Variants in CHODL observed in about 807,000 individuals in gnomAD.
The protein encoded by CHODL is transmembrane protein MT75.
Under a neutral mutation model 34.5 loss-of-function variants are expected in CHODL, and 29 were observed. The ratio of observed to expected loss-of-function variants is 0.84; its 90% CI spans 0.63 to 1.15. The LOEUF (loss-of-function observed/expected upper bound fraction) is 1.15. CHODL is among the 50% of genes most tolerant of loss of function. The probability of loss-of-function intolerance (pLI) is 0.00; values close to 1 mark genes in which losing one functional copy is unlikely to be tolerated. For missense variants in CHODL, 332 were observed against 332.5 expected (o/e 1.00, Z 0.01); for synonymous variants, 125 against 116.1 (o/e 1.08, Z -0.49).
chr21:18,010,575 C>T (rs158070), intron 1 of CHODL, among the ~76,000 whole-genome samples: 4,260 of 152,232 alleles, frequency 0.028, 188 homozygotes, highest in African/African-American at 0.095. Flanking sequence ...TTTATTTAAT[C>T]AGGGACCCAC....
chr21:18,013,386 A>G (rs158067), intron 1 of CHODL, among the ~76,000 whole-genome samples: 5,444 of 148,474 alleles, frequency 0.037, 270 homozygotes, highest in African/African-American at 0.11. Context: ...GAATTTCCCA[A>G]TTGTACAGTG....
At chr21:18,218,581 T>C (rs1032878573) in intron 2 of CHODL, among the ~76,000 whole-genome samples, 8 of 152,190 alleles carry the variant, frequency 5.3e-5, no homozygotes, top group East Asian at 3.9e-4. Flanking sequence ...GTGATTAACA[T>C]TGGGCTCCTC....
intron 1 of CHODL, among the ~76,000 whole-genome samples, chr21:17,948,369 A>G (rs2063429501): frequency 2.0e-5 from 3 of 152,084 alleles, no homozygotes; most frequent in Middle Eastern, 6.8e-3. Context: ...ACAAGCTAAC[A>G]TTACACTTCA....
At chr21:18,044,365 T>C (rs1308785781) in intron 2 of CHODL, among the ~76,000 whole-genome samples, 2 of 151,986 alleles carry the variant, frequency 1.3e-5, no homozygotes, top group African/African-American at 4.8e-5. Flanking sequence ...TAATTTTTCT[T>C]CAGTTAGGAA....
chr21:17,932,697 A>C (rs952753496), intron 1 of CHODL, among the ~76,000 whole-genome samples: 21 of 152,304 alleles, frequency 1.4e-4, no homozygotes, highest in South Asian at 6.2e-4. Flanking sequence ...TAAGTGAAAA[A>C]CTGCAATGGA....
At chr21:18,052,510 T>G (rs577004500) in intron 2 of CHODL, among the ~76,000 whole-genome samples, 1 of 152,100 alleles carries the variant, frequency 6.6e-6, no homozygotes, top group South Asian at 2.1e-4. Context: ...GTTAAAAGTA[T>G]AAGTCTGTAC....
Position 18,075,927 on chromosome 21 carries a change from G to A in CHODL, c.-45+47956G>A, listed in dbSNP as rs146061627. ...AGATCTCTCCTCTTTTCTACCACCCGAGGACACAGCAAAAAGACAGCTGTT... is the reference window on the plus strand; with the variant it reads ...AGATCTCTCCTCTTTTCTACCACCCAAGGACACAGCAAAAAGACAGCTGTT... On this transcript the variant is annotated intron_variant, in intron 2 of 6. Coordinates refer to the CHODL transcript ENST00000400127. Among the ~76,000 whole-genome samples the A allele has an allele frequency of 9.5e-4, 145 of 152,242 alleles. 1 individual carries two copies. Among genetic ancestry groups the A allele is most frequent in the African/African-American group, 3.2e-3 (135 of 41,544 alleles).
chr21:18,089,599 C>T (rs1203140073), intron 2 of CHODL, among the ~76,000 whole-genome samples: 3 of 152,112 alleles, frequency 2.0e-5, no homozygotes, highest in African/African-American at 4.8e-5. Flanking sequence ...TTTTATTTTA[C>T]AACTTGAATT....
intron 2 of CHODL, among the ~76,000 whole-genome samples, chr21:18,067,800 A>G (rs1005545067): frequency 6.6e-6 from 1 of 152,038 alleles, no homozygotes; most frequent in Non-Finnish European, 1.5e-5. Context: ...ATTCCAAACA[A>G]TTTTTCTCCT....
intron 2 of CHODL, among the ~76,000 whole-genome samples, chr21:18,187,664 A>G (rs999522293): frequency 6.6e-6 from 1 of 152,154 alleles, no homozygotes; most frequent in Non-Finnish European, 1.5e-5. Flanking sequence ...ATGGCCATCT[A>G]TACTCCACCT....
intron 2 of CHODL, among the ~76,000 whole-genome samples, chr21:18,201,093 AT>A (rs2146708470): frequency 6.6e-6 from 1 of 152,330 alleles, no homozygotes; most frequent in South Asian, 2.1e-4. Context: ...ACTAAAAAAA[AT>A]AGGTAATATT....
chr21:18,202,649 G>T (rs2073667653), intron 2 of CHODL, among the ~76,000 whole-genome samples: 1 of 152,156 alleles, frequency 6.6e-6, no homozygotes, highest in African/African-American at 2.4e-5. Flanking sequence ...CCAGTCTGTG[G>T]TGTCTTGTTA....
chr21:18,097,088 G>A (rs895583349), intron 2 of CHODL, among the ~76,000 whole-genome samples: 1 of 152,024 alleles, frequency 6.6e-6, no homozygotes, highest in African/African-American at 2.4e-5. Flanking sequence ...AATCAAAGCT[G>A]TATATGACAG....
In CHODL at chr21:18,245,084, G is replaced by A. The variant is rs1011547586; in HGVS notation, c.-140G>A. 9 of 656,610 alleles carry A rather than the reference G, an allele frequency of 1.4e-5. No homozygotes were observed. Among genetic ancestry groups the A allele is most frequent in the East Asian group, 3.5e-5 (1 of 28,690 alleles). The allele number at this position is 656,610 out of a possible 1,614,324, so 40.7% of individuals were successfully genotyped here. On this transcript the variant is annotated 5_prime_UTR_variant, in exon 1 of 6. Transcript: ENST00000299295. ...CCCGGCCGAAGGCGATGCGCGCAGG[G>A]GGTCGGGCAGCTGGGCTCGGGCGGC... is the stretch of plus-strand genomic sequence containing the variant.
intron 2 of CHODL, among the ~76,000 whole-genome samples, chr21:18,091,293 G>C (rs1173544031): frequency 6.6e-6 from 1 of 152,216 alleles, no homozygotes; most frequent in Non-Finnish European, 1.5e-5. Context: ...AGGACACAAG[G>C]ACTGCAATGA....
At chr21:18,198,494 C>T (rs1393205388) in intron 2 of CHODL, among the ~76,000 whole-genome samples, 2 of 152,032 alleles carry the variant, frequency 1.3e-5, no homozygotes, top group African/African-American at 4.8e-5. Context: ...TCCTATGATA[C>T]CATAATAAAT....
rs1601232753 is a variant in CHODL at position 18,265,959 on chromosome 21, G to T, written c.743G>T (p.Gly248Val). The change falls in exon 6 of 6, where the codon GGA becomes GTA. Residue 248 changes from glycine to valine, a missense_variant. Physicochemically the swap from Gly to Val is moderately radical, Grantham distance 109. Transcript: ENST00000299295. The part of the protein sequence containing the change: ...CCFQMLHKSK[G>V]RTKTSPNQST... ...TTTTTTCTTATGTTTTTCAGTAAAG[G>T]AAGAACAAAAACTAGTCCAAACCAG... The T allele has an allele frequency of 2.5e-6, 4 of 1,609,432 alleles. No homozygotes were observed. Among genetic ancestry groups the T allele is most frequent in the Non-Finnish European group, 3.4e-6 (4 of 1,178,632 alleles).
At chr21:18,054,648 T>C (rs1447201600) in intron 2 of CHODL, among the ~76,000 whole-genome samples, 2 of 151,960 alleles carry the variant, frequency 1.3e-5, no homozygotes, top group East Asian at 3.9e-4. Flanking sequence ...GTATGAAGTT[T>C]CAGTGAGACA....
At chr21:18,139,758 GT>G (rs1340927910) in intron 2 of CHODL, among the ~76,000 whole-genome samples, 3 of 152,178 alleles carry the variant, frequency 2.0e-5, no homozygotes, top group African/African-American at 7.2e-5. Flanking sequence ...CAGGCTGTTA[GT>G]TTAATGTTTG....
Sources: allele counts gnomAD v4.1 joint callset (sites outside exome capture counted in the v4.1 genomes callset), GRCh38; gene constraint gnomAD v4.1.1; transcripts MANE v1.5; gene names NCBI Gene and HGNC (gene_info 2026-07-23, HGNC 2026-07-21).